LRRC27: variants seen among roughly 807,000 people sequenced by gnomAD.
LRRC27 encodes leucine-rich repeat-containing protein 27.
LRRC27 carries 57 observed loss-of-function variants against 55.0 expected under a neutral mutation model. That is an observed-to-expected ratio of 1.04 (90% CI 0.84 to 1.29). The LOEUF is 1.29. Among genes scored for constraint, LRRC27 ranks in the 50% most tolerant of loss-of-function variants. The pLI is 0.00. For missense variants in LRRC27, 721 were observed against 651.5 expected (o/e 1.11, Z -1.16); for synonymous variants, 278 against 251.9 (o/e 1.10, Z -0.98).
intron 10 of LRRC27, among the ~76,000 whole-genome samples, chr10:132,367,983 A>C (rs1590732522): frequency 6.6e-6 from 1 of 152,252 alleles, no homozygotes; most frequent in East Asian, 1.9e-4. Flanking sequence ...AAATTTCCTG[A>C]AACTAATAAG....
At position 132,344,493 on chromosome 10, in the gene LRRC27, T is replaced by C. The variant is rs779441665; in HGVS notation, c.401-5T>C. On this transcript the variant is annotated splice_region_variant and splice_polypyrimidine_tract_variant and intron_variant, in intron 4 of 10. Transcript: ENST00000368614. ...TGCTGACAGTTTTTTTTTCCTCCAC[T>C]GCAGGGAGCGTAACCACGCTGAAAG... 14 of 1,608,590 alleles carry C rather than the reference T, an allele frequency of 8.7e-6. No homozygotes were observed. Among genetic ancestry groups the C allele is most frequent in the Admixed American group, 1.7e-5 (1 of 59,784 alleles).
upstream of LRRC27, chr10:132,331,646 G>C (rs951721544): frequency 1.2e-6 from 2 of 1,612,750 alleles, no homozygotes; most frequent in African/African-American, 2.7e-5. Context: ...CTCCAAAGGT[G>C]GTGCCTCAGC....
intron 5 of LRRC27, among the ~76,000 whole-genome samples, chr10:132,345,552 G>A (rs112018973): frequency 7.4e-4 from 112 of 152,332 alleles, no homozygotes; most frequent in Non-Finnish European, 1.3e-3. Flanking sequence ...CGCTGAAGCC[G>A]CCTGGCTGTG....
chr10:132,356,719 C>T lies in LRRC27; in HGVS notation c.1170+833C>T, dbSNP rs371982944. On this transcript the variant is annotated intron_variant, in intron 8 of 10. Coordinates refer to ENST00000368614, the MANE Select transcript of LRRC27 (RefSeq NM_030626.3). Reference sequence around the variant, plus strand: ...GACTGTATGAGGGTCTTAGTCCAGCCGGGCACAGGGCAGTGGGCACAGAGC... The same window carrying T: ...GACTGTATGAGGGTCTTAGTCCAGCTGGGCACAGGGCAGTGGGCACAGAGC... 7.9e-5 allele frequency among the ~76,000 whole-genome samples: 12 copies of T among 152,388 alleles called. 1 individual carries two copies. In the South Asian group the frequency reaches 1.9e-3, roughly 24 times the overall value.
chr10:132,354,473 C>T (rs2068216539), intron 7 of LRRC27, among the ~76,000 whole-genome samples: 1 of 152,186 alleles, frequency 6.6e-6, no homozygotes, highest in East Asian at 1.9e-4. Flanking sequence ...TAAGTGGGGA[C>T]ACGGGGGGCA....
At chr10:132,332,086 C>T (rs954470791), upstream of LRRC27, 113 of 257,848 alleles carry the variant, frequency 4.4e-4, no homozygotes, top group African/African-American at 2.5e-3. Flanking sequence ...CGCAGGCGCA[C>T]CACACCCCTC....
At position 132,375,399 on chromosome 10, in the gene LRRC27, A is replaced by G; in HGVS notation, c.*157A>G. ...CCTGTTGTTTTCCTTAGACAGGTCC[A>G]CGTCCCTCTCCTGAGGCTGTGGAAG... On this transcript the variant is annotated 3_prime_UTR_variant, in exon 11 of 11. Coordinates refer to ENST00000368614, the MANE Select transcript of LRRC27 (RefSeq NM_030626.3). 1.6e-6 allele frequency: 1 copy of G among 617,488 alleles called. No individual in the cohort carries two copies. The highest frequency in any genetic ancestry group is 2.1e-5 in the South Asian group (1 of 47,564). The allele number at this position is 617,488 out of a possible 1,614,324, so 38.3% of individuals were successfully genotyped here. A position where few individuals can be genotyped will look rare whatever the true frequency, so the allele number is the denominator to read the frequency against.
upstream of LRRC27, chr10:132,331,463 C>CG (rs1457789749): frequency 1.9e-6 from 3 of 1,612,454 alleles, no homozygotes; most frequent in Non-Finnish European, 2.5e-6. Context: ...CTCACTCCTC[C>CG]GTCCAGAGGC....
In LRRC27 at chr10:132,372,912, G is replaced by A. The variant is rs541622000; in HGVS notation, c.1417-2154G>A. Among the ~76,000 whole-genome samples, 4 of 152,264 alleles carry A rather than the reference G, an allele frequency of 2.6e-5. No individual in the cohort carries two copies. Among genetic ancestry groups the A allele is most frequent in the East Asian group, 1.9e-4 (1 of 5,164 alleles). On this transcript the variant is annotated intron_variant, in intron 10 of 10. Coordinates refer to ENST00000368614, the MANE Select transcript of LRRC27 (RefSeq NM_030626.3). This position sits in a 1 kb window ranked among gnomAD's most constrained non-coding sequence, Gnocchi z 4.0. ...CCACCGACACCCCGATCTCAGCCTC[G>A]TTCCAGGGCCTCAGTCACGAGAGGT... is the stretch of plus-strand genomic sequence containing the variant.
chr10:132,359,037 G>A (rs1458128626), intron 8 of LRRC27, among the ~76,000 whole-genome samples: 2 of 52,404 alleles, frequency 3.8e-5, no homozygotes. Flanking sequence ...CCGAGGTGAT[G>A]GAGCAGTGTG....
rs969466915 is a variant in LRRC27 at position 132,348,521 on chromosome 10, G to A, written c.926+165G>A. On this transcript the variant is annotated intron_variant, in intron 6 of 10. Coordinates refer to ENST00000368614, the MANE Select transcript of LRRC27 (RefSeq NM_030626.3). This position sits in a 1 kb window ranked among gnomAD's most constrained non-coding sequence, Gnocchi z 4.2. ...CCCAGGTTTAGGGTAACGGGGACCC[G>A]CATCAAGCCCGGAGCATCTGCGGCA... Among the ~76,000 whole-genome samples the A allele has an allele frequency of 6.6e-6, 1 of 152,206 alleles. No homozygotes were observed. The highest frequency in any genetic ancestry group is 1.5e-5 in the Non-Finnish European group (1 of 68,042).
At position 132,344,583 on chromosome 10, in the gene LRRC27, G is replaced by A. The variant is rs1388729221; in HGVS notation, c.486G>A (p.Val162=). The change falls in exon 5 of 11, where the codon GTG becomes GTA. Residue 162 remains valine (V), a synonymous_variant. Coordinates refer to ENST00000368614, the MANE Select transcript of LRRC27 (RefSeq NM_030626.3). The stretch of plus-strand genomic sequence containing the variant: ...AGCTCGTTGTGCAGAAGGGATTGGT[G>A]GCTATCCAGCGCTTCCTGCGGATGT... ...PPQLVVQKGL[V]AIQRFLRMWA... The A allele has an allele frequency of 6.2e-7, 1 of 1,614,054 alleles. No individual in the cohort carries two copies. Among genetic ancestry groups the A allele is most frequent in the African/African-American group, 1.3e-5 (1 of 74,918 alleles).
chr10:132,347,713 T>C (rs1438100197), intron 5 of LRRC27, among the ~76,000 whole-genome samples: 1 of 150,070 alleles, frequency 6.7e-6, no homozygotes, highest in East Asian at 2.0e-4. Flanking sequence ...CAGGTGCGCC[T>C]GGTGGGGCCT....
At chr10:132,360,859 G>A (rs986440287) in intron 8 of LRRC27, among the ~76,000 whole-genome samples, 5 of 152,152 alleles carry the variant, frequency 3.3e-5, no homozygotes, top group Non-Finnish European at 5.9e-5. Context: ...GACAGTCCCC[G>A]GGAACACACT....
Position 132,372,684 on chromosome 10 carries a change from T to G in LRRC27, c.1417-2382T>G, listed in dbSNP as rs1007615871. ...CTACCCAGCAGGAGCCAGGGCTGCC[T>G]CTAGATAAGCTGACCAACCAGGCAC... On this transcript the variant is annotated intron_variant, in intron 10 of 10. Transcript: ENST00000368614. The surrounding 1 kb of genome is among the most constrained non-coding windows in gnomAD (Gnocchi z 4.0). Among the ~76,000 whole-genome samples, 1 of 152,116 alleles carries G rather than the reference T, an allele frequency of 6.6e-6. No individual in the cohort carries two copies. The highest frequency in any genetic ancestry group is 2.4e-5 in the African/African-American group (1 of 41,406).
chr10:132,347,751 G>T (rs2067788906), intron 5 of LRRC27, among the ~76,000 whole-genome samples: 1 of 152,210 alleles, frequency 6.6e-6, no homozygotes, highest in Admixed American at 6.5e-5. Context: ...TGTGCTTCTG[G>T]CAGTGTTGTT....
chr10:132,365,913 G>C (rs545538207), intron 10 of LRRC27, among the ~76,000 whole-genome samples: 53 of 152,350 alleles, frequency 3.5e-4, no homozygotes, highest in Non-Finnish European at 6.2e-4. Flanking sequence ...AAAATAAAGA[G>C]AACTCACTGT....
intron 10 of LRRC27, among the ~76,000 whole-genome samples, chr10:132,370,906 G>C (rs1358517649): frequency 6.6e-6 from 1 of 152,252 alleles, no homozygotes; most frequent in Non-Finnish European, 1.5e-5. Flanking sequence ...TGCAGGTGAA[G>C]TCTCGGGCTT....
intron 5 of LRRC27, chr10:132,344,858 A>T: frequency 2.1e-6 from 1 of 474,270 alleles, no homozygotes; most frequent in Non-Finnish European, 3.7e-6. Flanking sequence ...TGGGCACATT[A>T]TAGATCCTGG....
Sources: gnomAD v4.1 joint callset for allele counts (sites outside exome capture counted in the v4.1 genomes callset) on GRCh38, gnomAD v4.1.1 for gene constraint, Gnocchi (gnomAD v3.1) non-coding constraint, MANE v1.5 for transcripts, NCBI Gene and HGNC (gene_info 2026-07-23, HGNC 2026-07-21) for gene names.